ATP10B: variants seen among roughly 807,000 people sequenced by gnomAD.
ATP10B encodes the protein phospholipid-transporting ATPase VB.
A neutral mutation model predicts 141.2 loss-of-function variants in ATP10B; 122 were observed. The observed-to-expected ratio is 0.86, with a 90% CI of 0.75 to 1.00. The LOEUF (loss-of-function observed/expected upper bound fraction) is 1.00, where lower values mean the gene tolerates loss of function less well. Among genes scored for constraint, ATP10B ranks in the 50% least tolerant of loss-of-function variants. The probability of loss-of-function intolerance (pLI) is 0.00; values close to 1 mark genes in which losing one functional copy is unlikely to be tolerated. For missense variants in ATP10B, 1,876 were observed against 1,825.3 expected (o/e 1.03, Z -0.51); for synonymous variants, 685 against 692.0 (o/e 0.99, Z 0.16).
intron 2 of ATP10B, among the ~76,000 whole-genome samples, chr5:160,744,316 C>T (rs79890421): frequency 0.056 from 8,530 of 152,170 alleles, 268 homozygotes; most frequent in Middle Eastern, 0.082. Flanking sequence ...TTAAGCCGAC[C>T]CTACTTCTGA....
chr5:160,888,067 C>T, the ATP10B span, among the ~76,000 whole-genome samples: 1 of 152,208 alleles, frequency 6.6e-6, no homozygotes, highest in Non-Finnish European at 1.5e-5. Context: ...ACAAAGGAGC[C>T]TGTCATAAAT....
chr5:160,566,824 G>T (rs1754571453), intron 25 of ATP10B, among the ~76,000 whole-genome samples: 1 of 152,196 alleles, frequency 6.6e-6, no homozygotes, highest in Non-Finnish European at 1.5e-5. Flanking sequence ...TGACCTGGAG[G>T]ACATCTAAGG....
At chr5:160,837,181 T>G (rs1173103781) in intron 1 of ATP10B, among the ~76,000 whole-genome samples, 5 of 152,292 alleles carry the variant, frequency 3.3e-5, no homozygotes, top group African/African-American at 1.2e-4. Context: ...GAGTTTATGG[T>G]GCTTTTTTTC....
chr5:160,727,485 A>G (rs1013824049), intron 2 of ATP10B, among the ~76,000 whole-genome samples: 6 of 152,224 alleles, frequency 3.9e-5, no homozygotes, highest in African/African-American at 1.4e-4. Context: ...TGCCTAAGGG[A>G]GGTCTGGCCT....
the ATP10B span, among the ~76,000 whole-genome samples, chr5:160,906,320 T>C: frequency 6.6e-6 from 1 of 151,650 alleles, no homozygotes; most frequent in Non-Finnish European, 1.5e-5. Context: ...AAGCAGCCTC[T>C]GGGAAAAAAA....
chr5:160,778,599 A>ACTGT (rs1443322394), intron 2 of ATP10B, among the ~76,000 whole-genome samples: 2 of 152,232 alleles, frequency 1.3e-5, no homozygotes, highest in Non-Finnish European at 2.9e-5. Flanking sequence ...AGAGAGCATC[A>ACTGT]GCTCTGGGCA....
At chr5:160,607,136 A>G (rs746220435) in intron 18 of ATP10B, 50 bp from the exon 19 acceptor site, 41 of 1,475,058 alleles carry the variant, frequency 2.8e-5, no homozygotes, top group Non-Finnish European at 3.7e-5. Context: ...TTGGAAATGC[A>G]TGTTAACAAT....
At position 160,826,956 on chromosome 5, in the gene ATP10B, G is replaced by C. The variant is rs147794965; in HGVS notation, c.-576+24985C>G. Among the ~76,000 whole-genome samples, 918 of 152,290 alleles carry C rather than the reference G, an allele frequency of 6.0e-3. 13 individuals carry two copies. The highest frequency in any genetic ancestry group is 0.021 in the African/African-American group (874 of 41,556). ...TAAGATGTTTATCAAGACAATATGT[G>C]TGCCACTGAACACAGACCCTTATCA... On this transcript the variant is annotated intron_variant, in intron 1 of 25. Transcript: ENST00000327245.
intron 1 of ATP10B, among the ~76,000 whole-genome samples, chr5:160,797,643 G>A (rs1442202750): frequency 6.6e-6 from 1 of 152,188 alleles, no homozygotes; most frequent in Non-Finnish European, 1.5e-5. Context: ...TAGAGGGACT[G>A]CATAAGATGC....
intron 3 of ATP10B, among the ~76,000 whole-genome samples, chr5:160,704,852 G>T (rs1260548860): frequency 6.7e-6 from 1 of 148,538 alleles, no homozygotes; most frequent in Non-Finnish European, 1.5e-5. Flanking sequence ...ATATTATGGA[G>T]ATGGCTGTTT....
intron 3 of ATP10B, among the ~76,000 whole-genome samples, chr5:160,690,790 G>C (rs945816977): frequency 1.3e-5 from 2 of 152,140 alleles, no homozygotes; most frequent in Non-Finnish European, 2.9e-5. Flanking sequence ...TTGTGGAAGA[G>C]AGTGTGGTGA....
In ATP10B at chr5:160,851,993, C is replaced by T. The variant is rs1295332208; in HGVS notation, c.-628G>A. Reference sequence around the variant, plus strand: ...CAGACTCCAGTAGAAGAAAACAGTGCTTGAAAGTGGCGGTATTTCTCTCGC... The same window carrying T: ...CAGACTCCAGTAGAAGAAAACAGTGTTTGAAAGTGGCGGTATTTCTCTCGC... On this transcript the variant is annotated 5_prime_UTR_variant, in exon 1 of 26. Coordinates refer to ENST00000327245, the MANE Select transcript of ATP10B (RefSeq NM_025153.3). 6.6e-6 allele frequency: 1 copy of T among 152,106 alleles called. No individual in the cohort carries two copies. The highest frequency in any genetic ancestry group is 2.4e-5 in the African/African-American group (1 of 41,424). 9.4% of individuals were successfully genotyped at this position (152,106 alleles called of 1,614,324 possible). A position where few individuals can be genotyped will look rare whatever the true frequency, so the allele number is the denominator to read the frequency against.
At chr5:160,624,786 G>A (rs1455361773) in intron 13 of ATP10B, among the ~76,000 whole-genome samples, 1 of 152,186 alleles carries the variant, frequency 6.6e-6, no homozygotes, top group Non-Finnish European at 1.5e-5. Context: ...GACCAAAGTC[G>A]CCTAGTGAGT....
intron 7 of ATP10B, among the ~76,000 whole-genome samples, chr5:160,656,074 G>A (rs1037488650): frequency 2.0e-5 from 3 of 152,090 alleles, no homozygotes; most frequent in Non-Finnish European, 4.4e-5. Flanking sequence ...TTTCCCTTGC[G>A]CTTGCCTCAA....
rs1554119661 is a variant in ATP10B at position 160,812,055 on chromosome 5, A to AGAGG, written c.-575-26253_-575-26252insCCTC. Among the ~76,000 whole-genome samples the AGAGG allele has an allele frequency of 1.8e-3, 227 of 124,132 alleles. 1 individual carries two copies. The highest frequency in any genetic ancestry group is 0.01 in the South Asian group (41 of 4,062). 81.4% of individuals were successfully genotyped at this position (124,132 alleles called of 152,430 possible). A position where few individuals can be genotyped will look rare whatever the true frequency, so the allele number is the denominator to read the frequency against. ...GAGAGAGAGAGAGAGAGAGAGAGAG[A>AGAGG]GAGAGGGAGAGGGAGAGAGATTCCT... On this transcript the variant is annotated intron_variant, in intron 1 of 25. Coordinates refer to ENST00000327245, the MANE Select transcript of ATP10B (RefSeq NM_025153.3).
intron 1 of ATP10B, among the ~76,000 whole-genome samples, chr5:160,794,341 G>A (rs1179694421): frequency 6.6e-6 from 1 of 152,190 alleles, no homozygotes; most frequent in Non-Finnish European, 1.5e-5. Context: ...CTCCAATCAT[G>A]TGATTCTGAT....
At chr5:160,808,345 C>G (rs2127943090) in intron 1 of ATP10B, among the ~76,000 whole-genome samples, 1 of 152,260 alleles carries the variant, frequency 6.6e-6, no homozygotes, top group South Asian at 2.1e-4. Context: ...AGCATATTCC[C>G]TATGAGGACA....
intron 13 of ATP10B, 28 bp from the exon 14 acceptor site, chr5:160,622,613 C>G (rs1316400488): frequency 6.3e-7 from 1 of 1,589,118 alleles, no homozygotes; most frequent in East Asian, 2.2e-5. Context: ...GAATGAGAGT[C>G]TTTTCTGGGA....
the ATP10B span, among the ~76,000 whole-genome samples, chr5:160,871,744 C>T: frequency 2.1e-4 from 32 of 152,128 alleles, no homozygotes; most frequent in Non-Finnish European, 2.1e-4. Context: ...GTATATACAT[C>T]ACAGTGTCTT....
Sources: gnomAD v4.1 joint callset for allele counts (sites outside exome capture counted in the v4.1 genomes callset) on GRCh38, gnomAD v4.1.1 for gene constraint, MANE v1.5 for transcripts, NCBI Gene and HGNC (gene_info 2026-07-23, HGNC 2026-07-21) for gene names.